The following MSN variants were observed in gnomAD, a reference collection of about 807,000 sequenced individuals.
The protein encoded by MSN is epididymis luminal protein 70.
Under a neutral mutation model 48.0 loss-of-function variants are expected in MSN, and 2 were observed. The observed-to-expected ratio is 0.04, with a 90% CI of 0.02 to 0.13. The LOEUF (loss-of-function observed/expected upper bound fraction) is 0.13. Ranked by LOEUF, MSN falls within the 10% of genes least tolerant of loss-of-function variation. MSN has a pLI of 1.00. For missense variants in MSN, 267 were observed against 470.1 expected (o/e 0.57, Z 3.99); for synonymous variants, 146 against 166.9 (o/e 0.87, Z 0.97).
intron 1 of MSN, among the ~76,000 whole-genome samples, chrX:65,594,087 A>T (rs1223023433): frequency 8.9e-6 from 1 of 111,894 alleles, no homozygotes; most frequent in Non-Finnish European, 1.9e-5. Flanking sequence ...GAGGATCAGA[A>T]TTATGGCAAA....
chrX:65,717,765 T>A (rs772359806), intron 2 of MSN, among the ~76,000 whole-genome samples: 10 of 111,431 alleles, frequency 9.0e-5, no homozygotes, highest in Non-Finnish European at 1.9e-4. Context: ...GAGGTCTGAG[T>A]TATTGTCCAG....
intron 7 of MSN, among the ~76,000 whole-genome samples, chrX:65,734,651 T>C (rs1244075857): frequency 2.7e-5 from 3 of 112,117 alleles, no homozygotes; most frequent in Non-Finnish European, 5.6e-5. Flanking sequence ...TGCTCAACTA[T>C]TATCAGAAAA....
intron 1 of MSN, among the ~76,000 whole-genome samples, chrX:65,619,137 A>T (rs1365818495): frequency 2.0e-5 from 2 of 100,433 alleles, no homozygotes; most frequent in Admixed American, 2.1e-4. Context: ...GGCTGCCCTT[A>T]ACATTTTTTC....
At chrX:65,633,038 G>A (rs1472070541) in intron 1 of MSN, among the ~76,000 whole-genome samples, 3 of 111,548 alleles carry the variant, frequency 2.7e-5, no homozygotes, top group African/African-American at 9.8e-5. Context: ...AGGCAGAGAG[G>A]ACAGAAAGGG....
chrX:65,633,085 G>T (rs2070571084), intron 1 of MSN, among the ~76,000 whole-genome samples: 1 of 111,653 alleles, frequency 9.0e-6, no homozygotes, highest in African/African-American at 3.3e-5. Flanking sequence ...ATGGCTGTAG[G>T]TTAGGGAGGT....
At chrX:65,595,378 G>T (rs1321082772) in intron 1 of MSN, among the ~76,000 whole-genome samples, 2 of 111,710 alleles carry the variant, frequency 1.8e-5, no homozygotes, top group Admixed American at 9.5e-5. Context: ...CATGCTCTCT[G>T]CACAGCCCTG....
intron 1 of MSN, among the ~76,000 whole-genome samples, chrX:65,623,363 C>A (rs892975803): frequency 2.9e-5 from 2 of 69,748 alleles, no homozygotes; most frequent in African/African-American, 1.7e-4. Flanking sequence ...TTTTTTCTTT[C>A]TTTTCTTTTT....
chrX:65,589,950 C>T (rs937286432), intron 1 of MSN, among the ~76,000 whole-genome samples: 22 of 109,327 alleles, frequency 2.0e-4, no homozygotes, highest in African/African-American at 7.3e-4. Flanking sequence ...AATGCAACCT[C>T]TGCCTCCTGG....
chrX:65,633,377 T>C (rs1235001341), intron 1 of MSN, among the ~76,000 whole-genome samples: 1 of 112,143 alleles, frequency 8.9e-6, no homozygotes, highest in East Asian at 2.8e-4. Context: ...AAAAAGCTCT[T>C]TATGCATTAG....
intron 1 of MSN, among the ~76,000 whole-genome samples, chrX:65,651,581 T>TATTATG (rs1415807944): frequency 1.9e-5 from 2 of 103,395 alleles, no homozygotes; most frequent in Admixed American, 1.1e-4. Context: ...TTATTATTAT[T>TATTATG]ATTATTATTA....
intron 1 of MSN, among the ~76,000 whole-genome samples, chrX:65,639,685 A>C (rs2070633363): frequency 9.0e-6 from 1 of 111,599 alleles, no homozygotes; most frequent in Non-Finnish European, 1.9e-5. Flanking sequence ...CTTTGCCTCC[A>C]GATCCTCCTT....
At chrX:65,690,088 G>A (rs2071158227) in intron 1 of MSN, among the ~76,000 whole-genome samples, 1 of 111,567 alleles carries the variant, frequency 9.0e-6, no homozygotes, top group African/African-American at 3.3e-5. Context: ...TGACCAGTTT[G>A]TAGGAGCACG....
intron 1 of MSN, among the ~76,000 whole-genome samples, chrX:65,653,919 G>A (rs867392517): frequency 9.2e-6 from 1 of 108,197 alleles, no homozygotes; most frequent in Non-Finnish European, 1.9e-5. Context: ...GATTACAGAC[G>A]CCTGCCACTA....
At chrX:65,739,646 G>A (rs780659190) in intron 12 of MSN, 83 bp from the exon 13 acceptor site, 2 of 1,020,405 alleles carry the variant, frequency 2.0e-6, no homozygotes, top group East Asian at 6.2e-5. Context: ...GAAGGAAACA[G>A]AAGAGAAGGG....
At chrX:65,662,216 A>T (rs1482240507) in intron 1 of MSN, among the ~76,000 whole-genome samples, 2 of 112,618 alleles carry the variant, frequency 1.8e-5, no homozygotes, top group Admixed American at 1.9e-4. Context: ...GCCCAAAGCA[A>T]TTTACAGATT....
At chrX:65,688,794 G>C (rs1340610906) in intron 1 of MSN, among the ~76,000 whole-genome samples, 3 of 112,048 alleles carry the variant, frequency 2.7e-5, no homozygotes, top group African/African-American at 9.7e-5. Flanking sequence ...CCTGACTCTG[G>C]TTTTGCAACT....
intron 1 of MSN, among the ~76,000 whole-genome samples, chrX:65,715,296 T>C (rs2071452539): frequency 8.9e-6 from 1 of 112,108 alleles, no homozygotes; most frequent in Non-Finnish European, 1.9e-5. Flanking sequence ...TTGCCATGGT[T>C]ATTCAGGCTG....
chrX:65,689,206 T>G (rs748340799), intron 1 of MSN, among the ~76,000 whole-genome samples: 2 of 111,738 alleles, frequency 1.8e-5, no homozygotes, highest in Non-Finnish European at 3.8e-5. Flanking sequence ...TGAGGGCTAT[T>G]TCCTGCTCTG....
intron 1 of MSN, among the ~76,000 whole-genome samples, chrX:65,637,338 G>A: frequency 9.4e-6 from 1 of 106,495 alleles, no homozygotes. Context: ...GGAAGTGGAG[G>A]TTGCGGTGAG....
Sources: allele counts gnomAD v4.1 joint callset (sites outside exome capture counted in the v4.1 genomes callset), GRCh38; gene constraint gnomAD v4.1.1; transcripts MANE v1.5; gene names NCBI Gene and HGNC (gene_info 2026-07-23, HGNC 2026-07-21).